The following INPP4B variants were observed in gnomAD, a reference collection of about 807,000 sequenced individuals.
INPP4B encodes the protein inositol polyphosphate-4-phosphatase type II B.
In INPP4B, 55 loss-of-function variants were observed where a neutral mutation model predicts 122.5. The ratio of observed to expected loss-of-function variants is 0.45; its 90% CI spans 0.36 to 0.56. The LOEUF (loss-of-function observed/expected upper bound fraction) is 0.56, where lower values mean the gene tolerates loss of function less well. INPP4B is among the 20% of genes least tolerant of loss of function. The pLI is 0.00. For synonymous variants in INPP4B, 403 were observed against 388.7 expected (o/e 1.04, Z -0.43); for missense variants, 1,000 against 1,097.7 (o/e 0.91, Z 1.26).
chr4:142,078,367 A>C (rs369206982), intron 25 of INPP4B, among the ~76,000 whole-genome samples: 2 of 152,042 alleles, frequency 1.3e-5, no homozygotes, highest in Non-Finnish European at 2.9e-5. Flanking sequence ...CAATCAAGTG[A>C]TAACTTCATA....
Position 142,086,183 on chromosome 4 carries a change from T to C in INPP4B, c.2448A>G (p.Lys816=). 6.2e-7 allele frequency: 1 copy of C among 1,602,970 alleles called. No individual in the cohort carries two copies. Among genetic ancestry groups the C allele is most frequent in the Non-Finnish European group, 8.5e-7 (1 of 1,169,998 alleles). ...LENLLQNIQS[K]KRKNVEIMWL... ...ACATAATTTCTACATTCTTTCTTTT[T>C]TTGGATTGGATATTTTGAAGGAGAT... The change falls in exon 24 of 26, where the codon AAA becomes AAG. Residue 816 remains lysine, a synonymous_variant. Coordinates refer to ENST00000262992, the MANE Select transcript of INPP4B (RefSeq NM_001101669.3).
chr4:142,325,580 G>C (rs902947933), intron 7 of INPP4B, among the ~76,000 whole-genome samples: 4 of 152,062 alleles, frequency 2.6e-5, no homozygotes, highest in Non-Finnish European at 5.9e-5. Flanking sequence ...CATTCTATAG[G>C]CTTCCATGCC....
intron 7 of INPP4B, among the ~76,000 whole-genome samples, chr4:142,359,540 A>G (rs1784722439): frequency 6.6e-6 from 1 of 151,940 alleles, no homozygotes; most frequent in African/African-American, 2.4e-5. Context: ...TTACCCTCCC[A>G]AATTCCTATT....
chr4:142,190,411 A>C (rs1561433208), intron 15 of INPP4B, among the ~76,000 whole-genome samples: 1 of 152,150 alleles, frequency 6.6e-6, no homozygotes, highest in Non-Finnish European at 1.5e-5. Flanking sequence ...CTGCAGAAAA[A>C]GTATTGGCAT....
At chr4:142,337,685 T>TTA (rs970580837) in intron 7 of INPP4B, among the ~76,000 whole-genome samples, 1 of 142,724 alleles carries the variant, frequency 7.0e-6, no homozygotes, top group Non-Finnish European at 1.5e-5. Context: ...TATATATATA[T>TTA]TATATATATT....
At chr4:142,138,795 A>G (rs1481622943) in intron 18 of INPP4B, among the ~76,000 whole-genome samples, 1 of 152,194 alleles carries the variant, frequency 6.6e-6, no homozygotes, top group East Asian at 1.9e-4. Flanking sequence ...TGAGTGTACT[A>G]AGTGTCAGCT....
In INPP4B at chr4:142,425,976, C is replaced by T. The variant is rs192553869; in HGVS notation, c.136+3197G>A. 4.2e-3 allele frequency among the ~76,000 whole-genome samples: 642 copies of T among 151,858 alleles called. 4 individuals are homozygous for T. Among genetic ancestry groups the T allele is most frequent in the Admixed American group, 0.011 (169 of 15,224 alleles). ...TCATTTGGCTTGCATTGAGTATTAG[C>T]CATCAAGGAATTAATTTCAAGAACA... is the stretch of plus-strand genomic sequence containing the variant. On this transcript the variant is annotated intron_variant, in intron 5 of 25. Transcript: ENST00000262992.
At chr4:142,426,198 T>C (rs977631583) in intron 5 of INPP4B, among the ~76,000 whole-genome samples, 2 of 152,016 alleles carry the variant, frequency 1.3e-5, no homozygotes, top group East Asian at 1.9e-4. Context: ...AGGCGAATAA[T>C]TAACAGGAGA....
chr4:142,667,021 C>T (rs1001236156), intron 2 of INPP4B, among the ~76,000 whole-genome samples: 3 of 152,120 alleles, frequency 2.0e-5, no homozygotes, highest in Non-Finnish European at 4.4e-5. Flanking sequence ...TCAACATCTA[C>T]CTTCCTTAGC....
At chr4:142,779,301 C>G (rs1774425721) in intron 1 of INPP4B, among the ~76,000 whole-genome samples, 1 of 151,942 alleles carries the variant, frequency 6.6e-6, no homozygotes, top group African/African-American at 2.4e-5. Flanking sequence ...CCTAGGACCC[C>G]AAACAACATT....
intron 9 of INPP4B, among the ~76,000 whole-genome samples, chr4:142,279,866 C>G (rs1750365445): frequency 6.6e-6 from 1 of 151,792 alleles, no homozygotes; most frequent in South Asian, 2.1e-4. Flanking sequence ...GAACTTGTAT[C>G]CAAAGTATAT....
At chr4:142,771,153 G>A (rs1266590393) in intron 1 of INPP4B, among the ~76,000 whole-genome samples, 4 of 152,040 alleles carry the variant, frequency 2.6e-5, no homozygotes, top group Non-Finnish European at 4.4e-5. Context: ...ATGCAAGGAC[G>A]AAGTTCCTAT....
intron 2 of INPP4B, among the ~76,000 whole-genome samples, chr4:142,501,415 C>T (rs892421460): frequency 6.6e-6 from 1 of 152,066 alleles, no homozygotes. Flanking sequence ...AATAAAATCC[C>T]ACTTGATTTC....
At chr4:142,397,238 A>G (rs543309450) in intron 7 of INPP4B, among the ~76,000 whole-genome samples, 5 of 152,324 alleles carry the variant, frequency 3.3e-5, no homozygotes, top group African/African-American at 1.2e-4. Context: ...TGAAGACAGA[A>G]GCATTTCAAA....
At chr4:142,123,919 A>G (rs1797623267) in intron 19 of INPP4B, among the ~76,000 whole-genome samples, 1 of 152,106 alleles carries the variant, frequency 6.6e-6, no homozygotes, top group Non-Finnish European at 1.5e-5. Flanking sequence ...CCCTTTTCCT[A>G]GAATGTTTAG....
intron 2 of INPP4B, among the ~76,000 whole-genome samples, chr4:142,493,584 T>A (rs537257445): frequency 9.2e-5 from 14 of 152,336 alleles, no homozygotes; most frequent in African/African-American, 3.1e-4. Flanking sequence ...ACTACCCTAT[T>A]GGATTTCAGA....
At chr4:142,624,386 A>C (rs1333402179) in intron 2 of INPP4B, among the ~76,000 whole-genome samples, 1 of 151,434 alleles carries the variant, frequency 6.6e-6, no homozygotes, top group East Asian at 1.9e-4. Context: ...GTGTCTGTTC[A>C]TGTCCTTCGC....
At chr4:142,084,224 A>G (rs1346588368) in intron 24 of INPP4B, among the ~76,000 whole-genome samples, 1 of 152,150 alleles carries the variant, frequency 6.6e-6, no homozygotes, top group Non-Finnish European at 1.5e-5. Context: ...CCCTGGTTCA[A>G]GCGATTCTCC....
chr4:142,498,001 A>C (rs1300703089), intron 2 of INPP4B, among the ~76,000 whole-genome samples: 1 of 152,098 alleles, frequency 6.6e-6, no homozygotes, highest in Non-Finnish European at 1.5e-5. Context: ...CTGCAGTCAA[A>C]GCATATGTTA....
Sources: gnomAD v4.1 joint callset for allele counts (sites outside exome capture counted in the v4.1 genomes callset) on GRCh38, gnomAD v4.1.1 for gene constraint, MANE v1.5 for transcripts, NCBI Gene and HGNC (gene_info 2026-07-23, HGNC 2026-07-21) for gene names.